Variants in WDR64 observed in about 807,000 individuals in gnomAD.
WDR64 encodes the protein WD repeat domain 64.
WDR64 carries 112 observed loss-of-function variants against 139.3 expected under a neutral mutation model. That is an observed-to-expected ratio of 0.80 (90% confidence interval 0.69 to 0.94). WDR64 has a LOEUF of 0.94. Ranked by LOEUF, WDR64 falls within the 40% of genes least tolerant of loss-of-function variation. The pLI, the probability that WDR64 is intolerant of heterozygous loss-of-function variation, is 0.00. For synonymous variants in WDR64, 444 were observed against 437.7 expected (o/e 1.01, Z -0.18); for missense variants, 1,206 against 1,293.1 (o/e 0.93, Z 1.03).
At chr1:241,739,380 G>A (rs1669449390) in intron 11 of WDR64, among the ~76,000 whole-genome samples, 1 of 152,126 alleles carries the variant, frequency 6.6e-6, no homozygotes, top group Non-Finnish European at 1.5e-5. Context: ...ATTAATTAAG[G>A]CAGGGAAGAG....
intron 14 of WDR64, among the ~76,000 whole-genome samples, chr1:241,754,314 CTTTT>C (rs1574070839): frequency 9.3e-6 from 1 of 107,890 alleles, no homozygotes; most frequent in East Asian, 2.8e-4. Context: ...TCCTTTTTTT[CTTTT>C]TCTTTTTTTT....
intron 3 of WDR64, among the ~76,000 whole-genome samples, chr1:241,674,123 C>CTA (rs1387713911): frequency 6.6e-6 from 1 of 151,778 alleles, no homozygotes; most frequent in Non-Finnish European, 1.5e-5. Flanking sequence ...TTAGAAAGCT[C>CTA]TATATATGCA....
In WDR64 at chr1:241,767,605, T is replaced by C. The variant is rs572681692; in HGVS notation, c.2081+1254T>C. 7.2e-5 allele frequency among the ~76,000 whole-genome samples: 11 copies of C among 152,204 alleles called. No individual in the cohort carries two copies. The South Asian group carries it at 2.1e-3, about 29-fold the overall frequency. ...ATATAAAAGAGGAGAGAAGGGAGAA[T>C]TGGAAAGGACAGGAGAAAAGGAGAG... On this transcript the variant is annotated intron_variant, in intron 16 of 27. Coordinates refer to ENST00000437684, the MANE Select transcript of WDR64 (RefSeq NM_001367482.1).
At chr1:241,685,621 A>G (rs1666974786) in intron 7 of WDR64, among the ~76,000 whole-genome samples, 2 of 152,320 alleles carry the variant, frequency 1.3e-5, no homozygotes, top group South Asian at 2.1e-4. Flanking sequence ...TTATTATGTA[A>G]CAAATACTTT....
chr1:241,710,834 G>A (rs1185197368), intron 8 of WDR64, among the ~76,000 whole-genome samples: 1 of 152,220 alleles, frequency 6.6e-6, no homozygotes, highest in Non-Finnish European at 1.5e-5. Context: ...TAGAGCACCA[G>A]GGAGCCACAG....
At chr1:241,653,786 C>T (rs1011907421) in intron 1 of WDR64, among the ~76,000 whole-genome samples, 28 of 152,034 alleles carry the variant, frequency 1.8e-4, no homozygotes, top group Admixed American at 1.8e-3. Context: ...CTCAGGTGAT[C>T]CACCTGCCAT....
At chr1:241,758,330 T>G (rs1325021633) in intron 15 of WDR64, among the ~76,000 whole-genome samples, 3 of 150,872 alleles carry the variant, frequency 2.0e-5, no homozygotes, top group African/African-American at 7.3e-5. Flanking sequence ...TTTTTTTGTA[T>G]CTCAGCAGCC....
intron 15 of WDR64, among the ~76,000 whole-genome samples, chr1:241,762,868 C>T (rs951969697): frequency 5.3e-5 from 8 of 151,412 alleles, no homozygotes; most frequent in Non-Finnish European, 7.4e-5. Context: ...ATTAGTTTTC[C>T]TCATATTGAA....
chr1:241,799,582 T>G (rs930492515), intron 27 of WDR64, among the ~76,000 whole-genome samples: 3 of 152,210 alleles, frequency 2.0e-5, no homozygotes, highest in Non-Finnish European at 4.4e-5. Context: ...TATGTTGCAA[T>G]GATCATCCTC....
chr1:241,713,086 C>G (rs370122361), intron 9 of WDR64, among the ~76,000 whole-genome samples: 1 of 151,442 alleles, frequency 6.6e-6, no homozygotes, highest in South Asian at 2.1e-4. Context: ...ACAGGAGGAT[C>G]GCTTGAGCCC....
At chr1:241,706,353 T>C (rs1158544515) in intron 8 of WDR64, among the ~76,000 whole-genome samples, 1 of 152,232 alleles carries the variant, frequency 6.6e-6, no homozygotes, top group East Asian at 1.9e-4. Context: ...GAAGATTTGC[T>C]GTTGGGGCGA....
chr1:241,797,829 A>G (rs1266508799), intron 27 of WDR64, among the ~76,000 whole-genome samples: 1 of 152,144 alleles, frequency 6.6e-6, no homozygotes, highest in East Asian at 1.9e-4. Flanking sequence ...GTAATAAAGT[A>G]TTTGTATTTT....
At chr1:241,790,350 CA>C (rs1300352388) in intron 24 of WDR64, among the ~76,000 whole-genome samples, 6 of 151,804 alleles carry the variant, frequency 4.0e-5, no homozygotes, top group Non-Finnish European at 7.4e-5. Flanking sequence ...GACCCTGTCT[CA>C]AAAAATATAA....
intron 2 of WDR64, among the ~76,000 whole-genome samples, chr1:241,660,958 C>A (rs1665810922): frequency 6.6e-6 from 1 of 152,144 alleles, no homozygotes; most frequent in Non-Finnish European, 1.5e-5. Context: ...CGTCATTTCA[C>A]TTTATATGAG....
At chr1:241,781,094 A>G (rs979838336) in intron 22 of WDR64, among the ~76,000 whole-genome samples, 3 of 152,198 alleles carry the variant, frequency 2.0e-5, no homozygotes, top group African/African-American at 4.8e-5. Context: ...GATGATTATT[A>G]TATTGTATTA....
At chr1:241,747,793 G>T (rs1163760301) in intron 13 of WDR64, among the ~76,000 whole-genome samples, 1 of 152,146 alleles carries the variant, frequency 6.6e-6, no homozygotes, top group Non-Finnish European at 1.5e-5. Context: ...AAGACTTCCT[G>T]GGAAAGACAG....
intron 7 of WDR64, among the ~76,000 whole-genome samples, chr1:241,684,630 A>T (rs1666939533): frequency 6.6e-6 from 1 of 152,224 alleles, no homozygotes; most frequent in Admixed American, 6.5e-5. Context: ...TAAAAGTATG[A>T]GTTGGATCCA....
chr1:241,800,395 G>A (rs76370312), intron 27 of WDR64, among the ~76,000 whole-genome samples: 1 of 152,044 alleles, frequency 6.6e-6, no homozygotes, highest in Non-Finnish European at 1.5e-5. Context: ...GACATGTATT[G>A]TGAATATTGG....
intron 15 of WDR64, among the ~76,000 whole-genome samples, chr1:241,765,339 G>T (rs1176872205): frequency 6.6e-6 from 1 of 152,092 alleles, no homozygotes; most frequent in Non-Finnish European, 1.5e-5. Context: ...TAGGTCACTA[G>T]CATTGAGATA....
Sources: allele counts gnomAD v4.1 joint callset (sites outside exome capture counted in the v4.1 genomes callset), GRCh38; gene constraint gnomAD v4.1.1; transcripts MANE v1.5; gene names NCBI Gene and HGNC (gene_info 2026-07-23, HGNC 2026-07-21).